The following TPCN1 variants were observed in gnomAD, a reference collection of about 807,000 sequenced individuals.
The protein encoded by TPCN1 is two pore segment channel 1, also known as two pore channel protein 1.
A neutral mutation model predicts 108.8 loss-of-function variants in TPCN1; 52 were observed. The ratio of observed to expected loss-of-function variants is 0.48; its 90% CI spans 0.38 to 0.60. TPCN1 has a LOEUF of 0.60. Among genes scored for constraint, TPCN1 ranks in the 20% least tolerant of loss-of-function variants. TPCN1 has a pLI of 0.00. For synonymous variants in TPCN1, 446 were observed against 433.7 expected (o/e 1.03, Z -0.35); for missense variants, 806 against 1,072.8 (o/e 0.75, Z 3.47).
Position 113,296,554 on chromosome 12 carries a change from C to G in TPCN1, c.*478C>G, listed in dbSNP as rs188287298. 1 of 156,172 alleles carries G rather than the reference C, an allele frequency of 6.4e-6. No homozygotes were observed. The highest frequency in any genetic ancestry group is 6.3e-5 in the Admixed American group (1 of 15,812). The allele number at this position is 156,172 out of a possible 1,614,324, so 9.7% of individuals were successfully genotyped here. On this transcript the variant is annotated 3_prime_UTR_variant, in exon 28 of 28. Transcript: ENST00000335509. ...AACCACTTAGGAAGGAAAGAACTCC[C>G]GGTCTCCAGGGTGGTATTTCAGTGT...
chr12:113,275,405 G>A (rs1298300013), intron 10 of TPCN1, among the ~76,000 whole-genome samples: 1 of 149,920 alleles, frequency 6.7e-6, no homozygotes, highest in Non-Finnish European at 1.5e-5. Context: ...CGCCACACCC[G>A]ACTAATTTTT....
At position 113,292,977 on chromosome 12, in the gene TPCN1, G is replaced by C. The variant is rs1343811404; in HGVS notation, c.2157G>C (p.Glu719Asp). ...ITLEKEISKE[E>D]LVAVLELYRE... ...TTGAGAAGGAAATCTCCAAAGAAGAGCTGGTTGCCGTCCTGGAGCTCTACC... is the reference window on the plus strand; with the variant it reads ...TTGAGAAGGAAATCTCCAAAGAAGACCTGGTTGCCGTCCTGGAGCTCTACC... Residue 719 changes from glutamate to aspartate, a missense_variant, in exon 26 of 28, where the codon GAG becomes GAC. Physicochemically the swap from Glu to Asp is conservative, Grantham distance 45. Coordinates refer to ENST00000335509, the MANE Select transcript of TPCN1 (RefSeq NM_017901.6). 3.1e-6 allele frequency: 5 copies of C among 1,613,232 alleles called. No individual in the cohort carries two copies. Among genetic ancestry groups the C allele is most frequent in the Non-Finnish European group, 4.2e-6 (5 of 1,180,024 alleles).
At chr12:113,278,445 C>T (rs1482909307) in intron 13 of TPCN1, among the ~76,000 whole-genome samples, 1 of 152,184 alleles carries the variant, frequency 6.6e-6, no homozygotes, top group South Asian at 2.1e-4. Context: ...TTAACAGCAC[C>T]GAATCTTACT....
At chr12:113,225,540 C>T (rs965820040) in intron 1 of TPCN1, among the ~76,000 whole-genome samples, 12 of 151,918 alleles carry the variant, frequency 7.9e-5, no homozygotes, top group African/African-American at 2.9e-4. Flanking sequence ...TGCTTTTATT[C>T]TGTTTTTATT....
chr12:113,294,726 C>T (rs144739433), intron 27 of TPCN1, among the ~76,000 whole-genome samples: 5 of 152,226 alleles, frequency 3.3e-5, no homozygotes, highest in East Asian at 1.9e-4. Flanking sequence ...CACAAAGCAC[C>T]GTGTGGGCTG....
chr12:113,288,720 T>G lies in TPCN1; in HGVS notation c.1707-38T>G. 1 of 1,607,172 alleles carries G rather than the reference T, an allele frequency of 6.2e-7. No homozygotes were observed. Among genetic ancestry groups the G allele is most frequent in the Non-Finnish European group, 8.5e-7 (1 of 1,179,134 alleles). On this transcript the variant is annotated intron_variant, in intron 20 of 27. Coordinates refer to ENST00000335509, the MANE Select transcript of TPCN1 (RefSeq NM_017901.6). This position sits in a 1 kb window ranked among gnomAD's most constrained non-coding sequence, Gnocchi z 4.8. The stretch of plus-strand genomic sequence containing the variant: ...GGGCTGCAGAGGAGCCGTTCCCTCC[T>G]GCCGGCCCCGCGTCACCCTGCCCCT...
rs1956012774 is a variant in TPCN1, at chr12:113,284,825, A to T, written c.1453+54A>T. 6.3e-7 allele frequency: 1 copy of T among 1,587,656 alleles called. No homozygotes were observed. Among genetic ancestry groups the T allele is most frequent in the African/African-American group, 1.3e-5 (1 of 74,376 alleles). ...TGCTTGTTTTAAAATTGTCTGGGAGAACTTTCATTCAGTGTAGAACCTCAT... is the reference window on the plus strand; with the variant it reads ...TGCTTGTTTTAAAATTGTCTGGGAGTACTTTCATTCAGTGTAGAACCTCAT... On this transcript the variant is annotated intron_variant, in intron 17 of 27. Coordinates refer to ENST00000335509, the MANE Select transcript of TPCN1 (RefSeq NM_017901.6). The surrounding 1 kb of genome is among the most constrained non-coding windows in gnomAD (Gnocchi z 4.1).
intron 2 of TPCN1, among the ~76,000 whole-genome samples, chr12:113,244,004 T>C (rs1437809915): frequency 6.6e-6 from 1 of 152,166 alleles, no homozygotes; most frequent in Non-Finnish European, 1.5e-5. Flanking sequence ...CCTCCTGCCT[T>C]TCCATGTCTT....
At chr12:113,275,148 A>C (rs990301956) in intron 10 of TPCN1, among the ~76,000 whole-genome samples, 10 of 152,232 alleles carry the variant, frequency 6.6e-5, no homozygotes, top group Non-Finnish European at 7.3e-5. Context: ...GCTTCTGCAG[A>C]GCATTCTCAC....
rs530873713 is a variant in TPCN1, at chr12:113,266,115, C to A, written c.238-65C>A. ...GGGCCTTCCTTTCCTCCCCTGCCCG[C>A]GGCTCCTCTTTGGCGTTGGATGGGT... On this transcript the variant is annotated intron_variant, in intron 3 of 27. Coordinates refer to ENST00000335509, the MANE Select transcript of TPCN1 (RefSeq NM_017901.6). The surrounding 1 kb of genome is among the most constrained non-coding windows in gnomAD (Gnocchi z 4.2). The A allele has an allele frequency of 5.1e-6, 8 of 1,567,438 alleles. No individual in the cohort carries two copies. Among genetic ancestry groups the A allele is most frequent in the African/African-American group, 4.1e-5 (3 of 73,992 alleles).
chr12:113,242,076 C>T (rs904579201), intron 2 of TPCN1, among the ~76,000 whole-genome samples: 1 of 152,104 alleles, frequency 6.6e-6, no homozygotes, highest in African/African-American at 2.4e-5. Context: ...GCTGTAGGGA[C>T]AAGACACAGT....
Position 113,252,170 on chromosome 12 carries a change from G to A in TPCN1, c.113-8198G>A, listed in dbSNP as rs992772818. 3.3e-5 allele frequency among the ~76,000 whole-genome samples: 5 copies of A among 152,100 alleles called. No individual in the cohort carries two copies. In the East Asian group the frequency reaches 7.7e-4, roughly 23 times the overall value. On this transcript the variant is annotated intron_variant, in intron 2 of 27. Coordinates refer to ENST00000335509, the MANE Select transcript of TPCN1 (RefSeq NM_017901.6). ...TTGTGGCTTTGAAGGGTTATGTATC[G>A]GGGAAGAGGGACTATCTCTCACCCA...
intron 27 of TPCN1, 100 bp from the exon 28 acceptor site, chr12:113,295,860 C>A: frequency 1.5e-6 from 2 of 1,328,352 alleles, no homozygotes; most frequent in Non-Finnish European, 2.0e-6. Flanking sequence ...GGCAGCCCTG[C>A]CCCTTCCAGC....
At chr12:113,225,114 G>A in intron 1 of TPCN1, 1 of 351,334 alleles carries the variant, frequency 2.8e-6, no homozygotes, top group Non-Finnish European at 5.8e-6. Context: ...GACTGCAGTG[G>A]TGTGATCATA....
At position 113,285,976 on chromosome 12, in the gene TPCN1, T is replaced by C. The variant is rs765802916; in HGVS notation, c.1526+15T>C. On this transcript the variant is annotated intron_variant, in intron 18 of 27. Transcript: ENST00000335509. The stretch of plus-strand genomic sequence containing the variant: ...GGATGGAACTTGTGAGTGGACAGCA[T>C]GTTTCTGACCCAAAGCTGAGACTCT... 3 of 1,611,462 alleles carry C rather than the reference T, an allele frequency of 1.9e-6. No homozygotes were observed. The highest frequency in any genetic ancestry group is 2.5e-6 in the Non-Finnish European group (3 of 1,177,662).
chr12:113,291,385 G>T, intron 23 of TPCN1: 2 of 601,502 alleles, frequency 3.3e-6, no homozygotes, highest in Non-Finnish European at 5.9e-6. Context: ...GATAAAGGCT[G>T]CCCTGGTTCT....
rs769123051 is a variant in TPCN1, at chr12:113,285,949, C to A, written c.1514C>A (p.Ser505Tyr). 1.2e-5 allele frequency: 20 copies of A among 1,614,022 alleles called. No individual in the cohort carries two copies. The highest frequency in any genetic ancestry group is 1.7e-5 in the Non-Finnish European group (20 of 1,179,972). Residue 505 changes from serine to tyrosine, a missense_variant, in exon 18 of 28, where the codon TCC (serine) becomes TAC (tyrosine). Transcript: ENST00000335509. The part of the protein sequence containing the change: ...AGLGPVEYLS[S>Y]GWNLFDFSVT... ...CTGGGCCCTGTGGAGTACTTGTCTT[C>A]CGGATGGAACTTGTGAGTGGACAGC...
In TPCN1 at chr12:113,221,478, G is replaced by C. The variant is rs555738784; in HGVS notation, c.-274G>C. 4 of 314,938 alleles carry C rather than the reference G, an allele frequency of 1.3e-5. No homozygotes were observed. Among genetic ancestry groups the C allele is most frequent in the African/African-American group, 4.4e-5 (2 of 45,962 alleles). 19.5% of individuals were successfully genotyped at this position (314,938 alleles called of 1,614,324 possible). A position where few individuals can be genotyped will look rare whatever the true frequency, so the allele number is the denominator to read the frequency against. ...GGTGGATAGGAGAGCTGGCGCAGCT[G>C]CCCTGGTGGCAGTGGCTGAAGTGGC... is the stretch of plus-strand genomic sequence containing the variant. On this transcript the variant is annotated 5_prime_UTR_variant, in exon 1 of 28. Coordinates refer to ENST00000335509, the MANE Select transcript of TPCN1 (RefSeq NM_017901.6).
In TPCN1 at chr12:113,296,526, CAGA is replaced by C; in HGVS notation, c.*452_*454del. 1 of 161,568 alleles carries C rather than the reference CAGA, an allele frequency of 6.2e-6. No individual in the cohort carries two copies. Among genetic ancestry groups the C allele is most frequent in the East Asian group, 1.8e-4 (1 of 5,632 alleles). The allele number at this position is 161,568 out of a possible 1,614,324, so 10.0% of individuals were successfully genotyped here. ...AGGTTTCTGTGTTTTGCTTTAGGGACAGAACCACTTAGGAAGGAAAGAACTCCC... is the reference window on the plus strand; with the variant it reads ...AGGTTTCTGTGTTTTGCTTTAGGGACACCACTTAGGAAGGAAAGAACTCCC... On this transcript the variant is annotated 3_prime_UTR_variant, in exon 28 of 28. Coordinates refer to ENST00000335509, the MANE Select transcript of TPCN1 (RefSeq NM_017901.6).
Sources: allele counts gnomAD v4.1 joint callset (sites outside exome capture counted in the v4.1 genomes callset), GRCh38; gene constraint gnomAD v4.1.1; non-coding constraint Gnocchi (gnomAD v3.1); transcripts MANE v1.5; gene names NCBI Gene and HGNC (gene_info 2026-07-23, HGNC 2026-07-21).